KANSL1L: variants seen among roughly 807,000 people sequenced by gnomAD.
KANSL1L encodes the protein KAT8 regulatory NSL complex subunit 1-like protein.
KANSL1L carries 25 observed loss-of-function variants against 108.6 expected under a neutral mutation model. That is an observed-to-expected ratio of 0.23 (90% CI 0.17 to 0.32). KANSL1L has a LOEUF of 0.32. KANSL1L is among the 10% of genes least tolerant of loss of function. KANSL1L has a pLI of 1.00. For missense variants in KANSL1L, 1,137 were observed against 1,125.7 expected (o/e 1.01, Z -0.14); for synonymous variants, 405 against 395.1 (o/e 1.03, Z -0.30).
rs563339148 is a variant in KANSL1L, at chr2:210,121,819, AC to A, written c.1230+7211del. On this transcript the variant is annotated intron_variant, in intron 3 of 14. Coordinates refer to ENST00000281772, the MANE Select transcript of KANSL1L (RefSeq NM_152519.4). Reference sequence around the variant, plus strand: ...CAGACTCCACTAAAAAACTATTAAAACTGATAAATAAATTCAGTAAGTTGCA... The same window carrying A: ...CAGACTCCACTAAAAAACTATTAAAATGATAAATAAATTCAGTAAGTTGCA... Among the ~76,000 whole-genome samples, 21 of 152,282 alleles carry A rather than the reference AC, an allele frequency of 1.4e-4. No homozygotes were observed. In the South Asian group the frequency reaches 4.1e-3, roughly 30 times the overall value.
intron 5 of KANSL1L, among the ~76,000 whole-genome samples, chr2:210,094,320 G>A (rs1289833973): frequency 1.3e-5 from 2 of 151,912 alleles, no homozygotes; most frequent in African/African-American, 4.8e-5. Flanking sequence ...GTATTTATAT[G>A]CTTAACAAGG....
intron 13 of KANSL1L, 150 bp downstream of exon 13, chr2:210,024,954 T>C: frequency 1.7e-6 from 1 of 579,452 alleles, no homozygotes; most frequent in Non-Finnish European, 3.1e-6. Flanking sequence ...GAATACAAGC[T>C]CATTCTATGT....
intron 5 of KANSL1L, chr2:210,097,165 G>C (rs1010743296): frequency 1.5e-6 from 1 of 669,680 alleles, no homozygotes; most frequent in Admixed American, 6.3e-5. Flanking sequence ...GGCTGATCTC[G>C]AACTCCTGAG....
chr2:210,075,777 T>G, intron 5 of KANSL1L, 21 bp from the exon 6 acceptor site: 5 of 1,567,760 alleles, frequency 3.2e-6, no homozygotes, highest in East Asian at 2.2e-5. Flanking sequence ...ATGAAATAAT[T>G]AGGGCGTGGG....
intron 6 of KANSL1L, chr2:210,064,341 A>G (rs1256766034): frequency 6.6e-6 from 1 of 152,212 alleles, no homozygotes; most frequent in Non-Finnish European, 1.5e-5. Context: ...AATATTAGCT[A>G]TTATTATTTG....
At chr2:210,024,614 G>A (rs1326255538) in intron 13 of KANSL1L, among the ~76,000 whole-genome samples, 2 of 151,950 alleles carry the variant, frequency 1.3e-5, no homozygotes, top group African/African-American at 4.8e-5. Context: ...TAATAATTAT[G>A]TCTGATTTAT....
At chr2:210,035,804 A>G (rs185682691) in intron 8 of KANSL1L, among the ~76,000 whole-genome samples, 402 of 152,300 alleles carry the variant, frequency 2.6e-3, no homozygotes, top group African/African-American at 9.1e-3. Flanking sequence ...TGAATATATC[A>G]TACTGTGTCA....
At chr2:210,117,555 CAG>C (rs1256879763) in intron 3 of KANSL1L, among the ~76,000 whole-genome samples, 1 of 152,068 alleles carries the variant, frequency 6.6e-6, no homozygotes, top group Non-Finnish European at 1.5e-5. Flanking sequence ...GCAGACTTCT[CAG>C]GGGAAACCTT....
rs1267219721 is a variant in KANSL1L at position 210,044,232 on chromosome 2, A to G, written c.1756-128T>C. On this transcript the variant is annotated intron_variant, in intron 6 of 14. Transcript: ENST00000281772. The surrounding 1 kb of genome is among the most constrained non-coding windows in gnomAD (Gnocchi z 4.2). ...CAAAAAGTTTTACAAATATTTTGCT[A>G]GATGTTTTCCCAATTAACTTTAATA... 9.3e-6 allele frequency: 5 copies of G among 534,854 alleles called. No homozygotes were observed. The highest frequency in any genetic ancestry group is 1.5e-5 in the Non-Finnish European group (5 of 327,530). The allele number at this position is 534,854 out of a possible 1,614,324, so 33.1% of individuals were successfully genotyped here.
intron 3 of KANSL1L, among the ~76,000 whole-genome samples, chr2:210,111,565 G>A (rs562234791): frequency 6.6e-6 from 1 of 152,190 alleles, no homozygotes; most frequent in East Asian, 1.9e-4. Context: ...TCATAGTGAT[G>A]GTTACAAGAG....
At chr2:210,113,835 G>A (rs973843897) in intron 3 of KANSL1L, among the ~76,000 whole-genome samples, 2 of 151,926 alleles carry the variant, frequency 1.3e-5, no homozygotes, top group African/African-American at 4.8e-5. Flanking sequence ...TGAACAGGCA[G>A]GAAAAACATC....
At chr2:210,030,717 G>A (rs1228331605) in intron 9 of KANSL1L, 1 of 151,680 alleles carries the variant, frequency 6.6e-6, no homozygotes, top group Non-Finnish European at 1.5e-5. Flanking sequence ...CTTCAGATAA[G>A]GATCTATATA....
At chr2:210,063,001 C>T (rs2094434641) in intron 6 of KANSL1L, among the ~76,000 whole-genome samples, 1 of 152,156 alleles carries the variant, frequency 6.6e-6, no homozygotes, top group African/African-American at 2.4e-5. Flanking sequence ...CAGCCCCTCC[C>T]ATCACAGGCC....
intron 8 of KANSL1L, among the ~76,000 whole-genome samples, chr2:210,035,710 C>A (rs1467878884): frequency 6.6e-6 from 1 of 152,130 alleles, no homozygotes; most frequent in East Asian, 1.9e-4. Context: ...AACTCCTGAC[C>A]TCAGGTGATC....
intron 4 of KANSL1L, among the ~76,000 whole-genome samples, chr2:210,100,934 G>A (rs763201464): frequency 7.9e-5 from 12 of 152,120 alleles, no homozygotes; most frequent in Non-Finnish European, 1.5e-4. Context: ...TACCATGCCC[G>A]GCCACCAAGT....
At chr2:210,057,780 T>C (rs2125255855) in intron 6 of KANSL1L, among the ~76,000 whole-genome samples, 1 of 152,352 alleles carries the variant, frequency 6.6e-6, no homozygotes, top group African/African-American at 2.4e-5. Flanking sequence ...TCTCCGAACA[T>C]AAATTGTGAA....
At chr2:210,146,132 T>C (rs1188508570) in intron 2 of KANSL1L, among the ~76,000 whole-genome samples, 1 of 152,160 alleles carries the variant, frequency 6.6e-6, no homozygotes, top group African/African-American at 2.4e-5. Flanking sequence ...ATTTGCCTGA[T>C]ACCGGTAGCC....
chr2:210,069,189 A>G (rs1174869826), intron 6 of KANSL1L, among the ~76,000 whole-genome samples: 1 of 152,172 alleles, frequency 6.6e-6, no homozygotes, highest in African/African-American at 2.4e-5. Context: ...TAATTCAGCC[A>G]AGTTTTCTGC....
intron 5 of KANSL1L, among the ~76,000 whole-genome samples, chr2:210,077,642 G>T (rs1163489718): frequency 1.3e-5 from 2 of 152,192 alleles, no homozygotes; most frequent in Admixed American, 6.5e-5. Context: ...CAAGTCAGAA[G>T]CACATTTAGG....
Sources: allele counts gnomAD v4.1 joint callset (sites outside exome capture counted in the v4.1 genomes callset), GRCh38; gene constraint gnomAD v4.1.1; non-coding constraint Gnocchi (gnomAD v3.1); transcripts MANE v1.5; gene names NCBI Gene and HGNC (gene_info 2026-07-23, HGNC 2026-07-21).